Variants in MKRN2 observed in about 807,000 individuals in gnomAD.
MKRN2 encodes E3 ubiquitin-protein ligase makorin-2.
A neutral mutation model predicts 45.4 loss-of-function variants in MKRN2; 32 were observed. That is an observed-to-expected ratio of 0.70 (90% confidence interval 0.53 to 0.95). The LOEUF (loss-of-function observed/expected upper bound fraction) is 0.95, where lower values mean the gene tolerates loss of function less well. Ranked by LOEUF, MKRN2 falls within the 40% of genes least tolerant of loss-of-function variation. The probability of loss-of-function intolerance (pLI) is 0.00; values close to 1 mark genes in which losing one functional copy is unlikely to be tolerated. For synonymous variants in MKRN2, 206 were observed against 192.4 expected (o/e 1.07, Z -0.59); for missense variants, 526 against 536.7 (o/e 0.98, Z 0.20).
At chr3:12,581,694 T>TTC (rs2058179717) in intron 6 of MKRN2, 114 bp from the exon 7 acceptor site, 1 of 1,169,384 alleles carries the variant, frequency 8.6e-7, no homozygotes, top group South Asian at 1.4e-5. Context: ...CCACCTAGAA[T>TTC]GTGAGGCTGA....
rs1014193588 is a variant in MKRN2, at chr3:12,583,556, A to T, written c.*1303A>T. On this transcript the variant is annotated 3_prime_UTR_variant, in exon 8 of 8. Transcript: ENST00000170447. ...AGAGGGTGAACAAATGGGGCATTCA[A>T]GTTGTGAGCTCAGAATTACTTTAAA... The T allele has an allele frequency of 9.2e-6, 2 of 218,388 alleles. No homozygotes were observed. The highest frequency in any genetic ancestry group is 4.5e-5 in the African/African-American group (2 of 44,454). 13.5% of individuals were successfully genotyped at this position (218,388 alleles called of 1,614,324 possible).
In MKRN2 at chr3:12,559,810, C is replaced by G. The variant is rs151149893; in HGVS notation, c.26+2634C>G. Among the ~76,000 whole-genome samples the G allele has an allele frequency of 1.6e-3, 244 of 152,264 alleles. 3 individuals carry two copies. Among genetic ancestry groups the G allele is most frequent in the Admixed American group, 3.1e-3 (47 of 15,286 alleles). ...CTGTTTTCGGAGCCCTGGGGGAGGC[C>G]CTTATTATAGCTTAGTAACCAGTTT... is the stretch of plus-strand genomic sequence containing the variant. On this transcript the variant is annotated intron_variant, in intron 1 of 7. Coordinates refer to ENST00000170447, the MANE Select transcript of MKRN2 (RefSeq NM_014160.5).
In MKRN2 at chr3:12,578,797, A is replaced by G. The variant is rs143949899; in HGVS notation, c.968+2056A>G. Among the ~76,000 whole-genome samples the G allele has an allele frequency of 7.9e-3, 1,198 of 151,822 alleles. 13 individuals carry two copies. Among genetic ancestry groups the G allele is most frequent in the African/African-American group, 0.027 (1,115 of 41,398 alleles). On this transcript the variant is annotated intron_variant, in intron 6 of 7. Transcript: ENST00000170447. ...GCGTTTACTTGTCATACTAAAAGTGAAACTATGCATTACCTTTTTTAATGG... is the reference window on the plus strand; with the variant it reads ...GCGTTTACTTGTCATACTAAAAGTGGAACTATGCATTACCTTTTTTAATGG...
At chr3:12,561,517 G>C (rs1245766353) in intron 1 of MKRN2, among the ~76,000 whole-genome samples, 1 of 152,144 alleles carries the variant, frequency 6.6e-6, no homozygotes, top group Non-Finnish European at 1.5e-5. Context: ...TGGTGCAGTG[G>C]CTCATTCCTA....
intron 5 of MKRN2, among the ~76,000 whole-genome samples, chr3:12,575,536 C>T (rs942377975): frequency 6.6e-5 from 10 of 152,232 alleles, no homozygotes; most frequent in African/African-American, 2.2e-4. Context: ...GGTTACTGCA[C>T]GCGTTCTACT....
chr3:12,577,482 C>G (rs902121800), intron 6 of MKRN2, among the ~76,000 whole-genome samples: 1 of 151,140 alleles, frequency 6.6e-6, no homozygotes, highest in Non-Finnish European at 1.5e-5. Context: ...TTTTTCTTTT[C>G]ATCTCCTTGA....
intron 1 of MKRN2, among the ~76,000 whole-genome samples, chr3:12,557,442 G>T (rs2125297340): frequency 6.6e-6 from 1 of 152,366 alleles, no homozygotes; most frequent in African/African-American, 2.4e-5. Flanking sequence ...TGGGAGGAAG[G>T]ACGTCCTAGC....
At chr3:12,574,477 G>A (rs961355413) in intron 4 of MKRN2, among the ~76,000 whole-genome samples, 3 of 152,202 alleles carry the variant, frequency 2.0e-5, no homozygotes, top group East Asian at 1.9e-4. Flanking sequence ...GACTAGGGCC[G>A]CAGTCCTTAC....
In MKRN2 at chr3:12,572,318, G is replaced by C. The variant is rs2058104791; in HGVS notation, c.587G>C (p.Cys196Ser). 6.2e-7 allele frequency: 1 copy of C among 1,610,384 alleles called. No individual in the cohort carries two copies. The highest frequency in any genetic ancestry group is 1.1e-5 in the South Asian group (1 of 90,938). Residue 196 changes from cysteine to serine, a missense_variant, in exon 4 of 8, where the codon TGT (cysteine) becomes TCT (serine). Transcript: ENST00000170447. ...CTGCACGGGGAGGTGTGTGAAATCT[G>C]TAGGCTGCAAGTCTTGCACCCATTC... ...VYLHGEVCEICRLQVLHPFDP... is the reference protein window; with the variant it reads ...VYLHGEVCEISRLQVLHPFDP...
chr3:12,575,628 G>A (rs962980176), intron 5 of MKRN2, among the ~76,000 whole-genome samples: 4 of 152,166 alleles, frequency 2.6e-5, no homozygotes, highest in Admixed American at 2.6e-4. Flanking sequence ...GGCCTGGGGT[G>A]CGGGGGTCAA....
At chr3:12,574,046 T>C (rs1313110914) in intron 4 of MKRN2, among the ~76,000 whole-genome samples, 4 of 152,158 alleles carry the variant, frequency 2.6e-5, no homozygotes, top group Non-Finnish European at 1.5e-5. Context: ...GCCTAAGGCA[T>C]GTTTAAATGG....
intron 6 of MKRN2, among the ~76,000 whole-genome samples, chr3:12,581,510 CT>C (rs2058178043): frequency 6.6e-6 from 1 of 152,198 alleles, no homozygotes; most frequent in African/African-American, 2.4e-5. Flanking sequence ...TGCTCTGGAG[CT>C]GCCGGAGGGC....
rs1191424787 is a variant in MKRN2 at position 12,581,966 on chromosome 3, C to T, written c.1113+14C>T. ...GGCACTGTGAGGGTAAGGACTTTAGCCATCTCTAGTTGGGGACACTTAGCA... is the reference window on the plus strand; with the variant it reads ...GGCACTGTGAGGGTAAGGACTTTAGTCATCTCTAGTTGGGGACACTTAGCA... On this transcript the variant is annotated intron_variant, in intron 7 of 7. Transcript: ENST00000170447. 1.9e-6 allele frequency: 3 copies of T among 1,613,020 alleles called. No homozygotes were observed. The highest frequency in any genetic ancestry group is 2.5e-6 in the Non-Finnish European group (3 of 1,179,338).
chr3:12,579,013 T>C (rs114385786), intron 6 of MKRN2, among the ~76,000 whole-genome samples: 2,590 of 152,158 alleles, frequency 0.017, 76 homozygotes, highest in African/African-American at 0.059. Context: ...GGGGCTCTGC[T>C]GAAAAGCAGT....
intron 5 of MKRN2, among the ~76,000 whole-genome samples, chr3:12,576,188 T>C (rs993059192): frequency 7.8e-6 from 1 of 128,318 alleles, no homozygotes; most frequent in Admixed American, 7.5e-5. Context: ...GGAAACCATA[T>C]ATGTGTGTGT....
intron 3 of MKRN2, 109 bp from the exon 4 acceptor site, chr3:12,571,958 CAA>C (rs1291485865): frequency 1.8e-6 from 2 of 1,091,068 alleles, no homozygotes; most frequent in Non-Finnish European, 2.5e-6. Context: ...CATATGTTCT[CAA>C]GAGTGGAATT....
At chr3:12,570,443 G>A (rs1049301543) in intron 3 of MKRN2, among the ~76,000 whole-genome samples, 191 bp downstream of exon 3, 1 of 151,998 alleles carries the variant, frequency 6.6e-6, no homozygotes, top group African/African-American at 2.4e-5. Context: ...TGATACATTC[G>A]CCCTCGTGCC....
In MKRN2 at chr3:12,582,401, C is replaced by T. The variant is rs1401545937; in HGVS notation, c.*148C>T. The T allele has an allele frequency of 1.1e-6, 1 of 935,802 alleles. No individual in the cohort carries two copies. The highest frequency in any genetic ancestry group is 1.6e-6 in the Non-Finnish European group (1 of 618,758). 58.0% of individuals were successfully genotyped at this position (935,802 alleles called of 1,614,324 possible). A position where few individuals can be genotyped will look rare whatever the true frequency, so the allele number is the denominator to read the frequency against. On this transcript the variant is annotated 3_prime_UTR_variant, in exon 8 of 8. Coordinates refer to ENST00000170447, the MANE Select transcript of MKRN2 (RefSeq NM_014160.5). The stretch of plus-strand genomic sequence containing the variant: ...CTTAGCCTTAGTCTCATTCAATCTC[C>T]ATTATTACAGCCATGGGGAAGAGTG...
intron 3 of MKRN2, among the ~76,000 whole-genome samples, chr3:12,570,742 G>C (rs377186317): frequency 3.3e-5 from 5 of 151,996 alleles, no homozygotes; most frequent in Admixed American, 3.3e-4. Flanking sequence ...AATTAGCCGG[G>C]TGTAGTGGCA....
Sources: allele counts gnomAD v4.1 joint callset (sites outside exome capture counted in the v4.1 genomes callset), GRCh38; gene constraint gnomAD v4.1.1; transcripts MANE v1.5; gene names NCBI Gene and HGNC (gene_info 2026-07-23, HGNC 2026-07-21).